The following LARGE1 variants were observed in gnomAD, a reference collection of about 807,000 sequenced individuals.
LARGE1 encodes the protein LARGE xylosyl- and glucuronyltransferase 1.
Under a neutral mutation model 87.6 loss-of-function variants are expected in LARGE1, and 43 were observed. That is an observed-to-expected ratio of 0.49 (90% CI 0.38 to 0.63). The LOEUF (loss-of-function observed/expected upper bound fraction) is 0.63. LARGE1 is among the 30% of genes least tolerant of loss of function. The probability of loss-of-function intolerance (pLI) is 0.00; values close to 1 mark genes in which losing one functional copy is unlikely to be tolerated. For missense variants in LARGE1, 802 were observed against 1,000.2 expected, an observed-to-expected ratio of 0.80 and a Z score of 2.67; for synonymous variants, 434 against 394.6, an observed-to-expected ratio of 1.10 and a Z score of -1.18.
chr22:33,352,180 T>C (rs997102214), intron 9 of LARGE1, among the ~76,000 whole-genome samples: 2 of 152,206 alleles, frequency 1.3e-5, no homozygotes, highest in African/African-American at 4.8e-5. Flanking sequence ...ACATCTGTGA[T>C]AGTCTTTCCA....
intron 1 of LARGE1, among the ~76,000 whole-genome samples, chr22:33,914,791 C>T (rs74852917): frequency 0.027 from 4,054 of 152,198 alleles, 75 homozygotes; most frequent in Non-Finnish European, 0.04. Context: ...CCTTTCCCTC[C>T]CTGGGCCTCT....
At chr22:33,312,936 G>A (rs1935764821) in intron 11 of LARGE1, among the ~76,000 whole-genome samples, 1 of 152,114 alleles carries the variant, frequency 6.6e-6, no homozygotes, top group African/African-American at 2.4e-5. Context: ...GGGGAGCCTA[G>A]GTGTCCAAAC....
intron 2 of LARGE1, among the ~76,000 whole-genome samples, chr22:33,671,254 T>G (rs367892523): frequency 8.5e-5 from 13 of 152,214 alleles, no homozygotes; most frequent in African/African-American, 3.1e-4. Flanking sequence ...ATTTCCCCAG[T>G]TCCCAGAATG....
chr22:33,842,449 A>T (rs1385797509), intron 1 of LARGE1, among the ~76,000 whole-genome samples: 2 of 152,238 alleles, frequency 1.3e-5, no homozygotes, highest in African/African-American at 4.8e-5. Flanking sequence ...GCTAAAAAAT[A>T]AAACAAAGTT....
At chr22:33,654,406 A>G (rs931277579) in intron 2 of LARGE1, among the ~76,000 whole-genome samples, 13 of 152,180 alleles carry the variant, frequency 8.5e-5, no homozygotes, top group African/African-American at 3.1e-4. Context: ...GTCCCCTCTC[A>G]GCTCTAACTC....
At position 33,733,145 on chromosome 22, in the gene LARGE1, C is replaced by G. The variant is rs551651873; in HGVS notation, c.106+28226G>C. Reference sequence around the variant, plus strand: ...CGAGGGTGGAAGCTGGTGCTTTTACCTCCGCACCTCTCATGCCCGACAGAG... The same window carrying G: ...CGAGGGTGGAAGCTGGTGCTTTTACGTCCGCACCTCTCATGCCCGACAGAG... On this transcript the variant is annotated intron_variant, in intron 2 of 14. Coordinates refer to ENST00000397394, the MANE Select transcript of LARGE1 (RefSeq NM_133642.5). The G allele has an allele frequency of 3.3e-5, 5 of 152,354 alleles. No homozygotes were observed. In the East Asian group the frequency reaches 9.6e-4, roughly 29 times the overall value. The allele number at this position is 152,354 out of a possible 1,614,324, so 9.4% of individuals were successfully genotyped here.
chr22:33,104,093 G>A, the LARGE1 span, among the ~76,000 whole-genome samples: 1 of 152,096 alleles, frequency 6.6e-6, no homozygotes, highest in Non-Finnish European at 1.5e-5. Context: ...TACAGAAATG[G>A]ATTTTTTTCC....
chr22:33,533,541 T>C (rs140129828), intron 6 of LARGE1, among the ~76,000 whole-genome samples: 1 of 152,344 alleles, frequency 6.6e-6, no homozygotes, highest in African/African-American at 2.4e-5. Flanking sequence ...TCAGCCTTAG[T>C]TGTTTAATCC....
intron 5 of LARGE1, among the ~76,000 whole-genome samples, chr22:33,567,738 A>G (rs1249174021): frequency 6.6e-6 from 1 of 151,970 alleles, no homozygotes; most frequent in Non-Finnish European, 1.5e-5. Flanking sequence ...CCAGCAGGCA[A>G]TTTCTCACCC....
intron 6 of LARGE1, among the ~76,000 whole-genome samples, chr22:33,536,712 C>T (rs116464086): frequency 0.025 from 3,754 of 152,322 alleles, 71 homozygotes; most frequent in African/African-American, 0.048. Flanking sequence ...GAGGCTGCCA[C>T]GTCAGGCATG....
Position 33,572,016 on chromosome 22 carries a change from A to G in LARGE1, c.616-6997T>C, listed in dbSNP as rs184700476. On this transcript the variant is annotated intron_variant, in intron 5 of 14. Coordinates refer to ENST00000397394, the MANE Select transcript of LARGE1 (RefSeq NM_133642.5). ...GGCTTCCAAATCTCTCCAGGCCTTA[A>G]TTTTCTCACCTGTAAAAAGGGTAAT... The G allele has an allele frequency of 1.4e-3, 483 of 347,520 alleles. 1 individual carries two copies. Among genetic ancestry groups the G allele is most frequent in the Non-Finnish European group, 2.1e-3 (363 of 174,258 alleles). The allele number at this position is 347,520 out of a possible 1,614,324, so 21.5% of individuals were successfully genotyped here.
At chr22:33,136,773 T>C in the LARGE1 span, among the ~76,000 whole-genome samples, 4 of 152,098 alleles carry the variant, frequency 2.6e-5, no homozygotes, top group African/African-American at 7.2e-5. Context: ...AAGTCAAGGA[T>C]AATGAAGCTT....
chr22:33,162,364 C>G (rs910960566), exon 12 of LARGE1: 2 of 152,092 alleles, frequency 1.3e-5, no homozygotes, highest in African/African-American at 2.4e-5. Context: ...AGGAAAAGCC[C>G]CTTATCACAC....
intron 6 of LARGE1, among the ~76,000 whole-genome samples, chr22:33,454,699 C>T (rs561928487): frequency 1.3e-3 from 191 of 152,012 alleles, no homozygotes; most frequent in Non-Finnish European, 2.1e-3. Context: ...AGCATGGCAG[C>T]CTCCGCTTCT....
Position 33,489,976 on chromosome 22 carries a change from A to G in LARGE1, c.788-57711T>C, listed in dbSNP as rs958798931. 2.6e-5 allele frequency among the ~76,000 whole-genome samples: 4 copies of G among 152,240 alleles called. No homozygotes were observed. The East Asian group carries it at 7.7e-4, about 29-fold the overall frequency. On this transcript the variant is annotated intron_variant, in intron 6 of 14. Coordinates refer to ENST00000397394, the MANE Select transcript of LARGE1 (RefSeq NM_133642.5). ...GGGAAGGCAGTGACTTCACATGCAC[A>G]TCTTACTGTTTTGCTAGAACACGGT...
the LARGE1 span, among the ~76,000 whole-genome samples, chr22:33,120,988 G>A: frequency 2.0e-5 from 3 of 151,946 alleles, no homozygotes; most frequent in Non-Finnish European, 4.4e-5. Context: ...GGGATGTGAA[G>A]TCTGGCAACA....
intron 5 of LARGE1, among the ~76,000 whole-genome samples, chr22:33,590,413 C>T (rs1163332223): frequency 6.6e-6 from 1 of 152,068 alleles, no homozygotes; most frequent in Non-Finnish European, 1.5e-5. Flanking sequence ...ATGCATTCTT[C>T]GAGAAAAAAA....
At position 33,262,792 on chromosome 22, in the gene LARGE1, T is replaced by TTTCC. The variant is rs112603959; in HGVS notation, c.1730+41433_1730+41436dup. Among the ~76,000 whole-genome samples the TTTCC allele has an allele frequency of 8.3e-3, 1,229 of 147,798 alleles. 13 individuals carry two copies. The highest frequency in any genetic ancestry group is 0.021 in the Middle Eastern group (6 of 288). ...CCTTTCCTTCCTTCCTTCCCTTCCCTTTCCTTCCTTCCTTCCTTCTTTCCT... is the reference window on the plus strand; with the variant it reads ...CCTTTCCTTCCTTCCTTCCCTTCCCTTTCCTTCCTTCCTTCCTTCCTTCTTTCCT... On this transcript the variant is annotated intron_variant, in intron 11 of 11. Coordinates refer to the LARGE1 transcript ENST00000608642.
intron 1 of LARGE1, among the ~76,000 whole-genome samples, chr22:33,815,797 G>A (rs942280891): frequency 2.0e-5 from 3 of 152,194 alleles, no homozygotes; most frequent in Non-Finnish European, 2.9e-5. Flanking sequence ...CGGCTCAGCA[G>A]AGCCCTGTGA....
Sources: allele counts gnomAD v4.1 joint callset (sites outside exome capture counted in the v4.1 genomes callset), GRCh38; gene constraint gnomAD v4.1.1; transcripts MANE v1.5; gene names NCBI Gene and HGNC (gene_info 2026-07-23, HGNC 2026-07-21).